The following PLCZ1 variants were observed in gnomAD, a reference collection of about 807,000 sequenced individuals.
The protein encoded by PLCZ1 is phospholipase C zeta 1, also known as 1-phosphatidylinositol 4,5-bisphosphate phosphodiesterase zeta-1.
PLCZ1 carries 64 observed loss-of-function variants against 76.8 expected under a neutral mutation model. The ratio of observed to expected loss-of-function variants is 0.83; its 90% CI spans 0.68 to 1.03. PLCZ1 has a LOEUF of 1.03. PLCZ1 is among the 50% of genes least tolerant of loss of function. The pLI is 0.00. For missense variants in PLCZ1, 751 were observed against 713.7 expected (o/e 1.05, Z -0.60); for synonymous variants, 248 against 230.8 (o/e 1.07, Z -0.68).
the PLCZ1 span, among the ~76,000 whole-genome samples, chr12:18,676,983 T>C: frequency 1.3e-5 from 2 of 152,144 alleles, no homozygotes; most frequent in African/African-American, 4.8e-5. Context: ...CAAACAACTT[T>C]GTTGCTTACT....
At chr12:18,721,329 T>C (rs1005569863) in intron 4 of PLCZ1, among the ~76,000 whole-genome samples, 2 of 152,116 alleles carry the variant, frequency 1.3e-5, no homozygotes, top group African/African-American at 4.8e-5. Flanking sequence ...CATTTGGAAC[T>C]ATAAGATCAT....
the PLCZ1 span, among the ~76,000 whole-genome samples, chr12:18,666,107 C>G: frequency 6.6e-6 from 1 of 151,270 alleles, no homozygotes; most frequent in Non-Finnish European, 1.5e-5. Flanking sequence ...AAAGTGTATA[C>G]TAAAACAAAT....
At chr12:18,690,614 A>G (rs73344980) in intron 12 of PLCZ1, among the ~76,000 whole-genome samples, 1 of 152,198 alleles carries the variant, frequency 6.6e-6, no homozygotes, top group Admixed American at 6.5e-5. Flanking sequence ...GATAAATGCC[A>G]TAATATATGC....
At chr12:18,719,881 T>C (rs1037170513) in intron 4 of PLCZ1, among the ~76,000 whole-genome samples, 1 of 152,012 alleles carries the variant, frequency 6.6e-6, no homozygotes, top group Admixed American at 6.6e-5. Flanking sequence ...GTTTTGAAAA[T>C]ACACACAAGA....
chr12:18,701,817 G>A (rs755895002), intron 7 of PLCZ1, 41 bp from the exon 8 acceptor site: 1 of 1,564,482 alleles, frequency 6.4e-7, no homozygotes, highest in Admixed American at 1.9e-5. Flanking sequence ...ACATTTACAA[G>A]TAAATTTGCA....
intron 7 of PLCZ1, among the ~76,000 whole-genome samples, chr12:18,704,569 C>T (rs571066856): frequency 2.4e-4 from 37 of 152,092 alleles, no homozygotes; most frequent in African/African-American, 8.2e-4. Context: ...TCAGGGGATC[C>T]GCCCTCCTCA....
the PLCZ1 span, among the ~76,000 whole-genome samples, chr12:18,660,465 A>C: frequency 6.6e-6 from 1 of 152,134 alleles, no homozygotes; most frequent in African/African-American, 2.4e-5. Flanking sequence ...CGGCACCTTT[A>C]GTTTTTCTCC....
chr12:18,722,722 C>A (rs1003141127), intron 4 of PLCZ1, among the ~76,000 whole-genome samples: 9 of 151,966 alleles, frequency 5.9e-5, no homozygotes, highest in Non-Finnish European at 1.3e-4. Context: ...TATGACAGAT[C>A]GTTAGCCTAA....
intron 6 of PLCZ1, among the ~76,000 whole-genome samples, chr12:18,705,830 C>T (rs1956532217): frequency 1.3e-5 from 2 of 152,038 alleles, no homozygotes; most frequent in Non-Finnish European, 2.9e-5. Flanking sequence ...TGCGCCATTG[C>T]ATTCCAGCCT....
chr12:18,720,777 C>T (rs1958393054), intron 4 of PLCZ1, among the ~76,000 whole-genome samples: 1 of 151,914 alleles, frequency 6.6e-6, no homozygotes, highest in Non-Finnish European at 1.5e-5. Flanking sequence ...AGAATGCTCA[C>T]ATTAGCATTA....
chr12:18,712,585 T>C (rs1220741204), intron 6 of PLCZ1, among the ~76,000 whole-genome samples: 1 of 152,156 alleles, frequency 6.6e-6, no homozygotes, highest in African/African-American at 2.4e-5. Flanking sequence ...AAATATATTT[T>C]ACCTTGTGAA....
In PLCZ1 at chr12:18,696,241, C is replaced by T; in HGVS notation, c.1200G>A (p.Arg400=). The T allele has an allele frequency of 6.3e-7, 1 of 1,588,128 alleles. No homozygotes were observed. The highest frequency in any genetic ancestry group is 8.6e-7 in the Non-Finnish European group (1 of 1,163,194). The change falls in exon 11 of 15, where the codon AGG becomes AGA. Residue 400 remains arginine, a synonymous_variant. Coordinates refer to ENST00000266505, the MANE Select transcript of PLCZ1 (RefSeq NM_033123.4). Reference sequence around the variant, plus strand: ...TGGGATATATTCTGGTAATGAACTTCCTGGTGTGAAAAATAAACTCATGGA... The same window carrying T: ...TGGGATATATTCTGGTAATGAACTTTCTGGTGTGAAAAATAAACTCATGGA... The part of the protein sequence containing the change: ...LRVHEFIFHT[R]KFITRIYPKA...
At chr12:18,701,606 A>ATCCTCCTCCTCCTCCTCC (rs11279217) in intron 8 of PLCZ1, 38 bp from the exon 9 acceptor site, 3 of 1,524,972 alleles carry the variant, frequency 2.0e-6, no homozygotes, top group Non-Finnish European at 2.7e-6. Context: ...CTTTGAATTT[A>ATCCTCCTCCTCCTCCTCC]TCCTCCTCCT....
the PLCZ1 span, among the ~76,000 whole-genome samples, chr12:18,675,832 G>C: frequency 6.7e-6 from 1 of 148,866 alleles, no homozygotes; most frequent in Non-Finnish European, 1.5e-5. Context: ...CAAATGAACA[G>C]ATAGGTAAAT....
chr12:18,709,714 C>A (rs1453717787), intron 6 of PLCZ1, among the ~76,000 whole-genome samples: 1 of 151,760 alleles, frequency 6.6e-6, no homozygotes, highest in Non-Finnish European at 1.5e-5. Flanking sequence ...ATACCACACC[C>A]CAAGGGAAAA....
In PLCZ1 at chr12:18,722,982, G is replaced by C. The variant is rs60444611; in HGVS notation, c.367+329C>G. Among the ~76,000 whole-genome samples the C allele has an allele frequency of 5.2e-3, 790 of 151,948 alleles. 4 individuals are homozygous for C. The highest frequency in any genetic ancestry group is 0.018 in the African/African-American group (735 of 41,496). ...GGTTTTATCTTATTCATGAGATCAAGATACTTTCTTCTAATAGGGTACATG... is the reference window on the plus strand; with the variant it reads ...GGTTTTATCTTATTCATGAGATCAACATACTTTCTTCTAATAGGGTACATG... On this transcript the variant is annotated intron_variant, in intron 4 of 14. Coordinates refer to ENST00000266505, the MANE Select transcript of PLCZ1 (RefSeq NM_033123.4).
At chr12:18,701,639 C>G (rs1218381013) in intron 8 of PLCZ1, 53 bp downstream of exon 8, 1 of 1,572,560 alleles carries the variant, frequency 6.4e-7, no homozygotes, top group Non-Finnish European at 8.6e-7. Flanking sequence ...CCTCCTCCTC[C>G]TCCTCCTCCT....
At chr12:18,649,725 T>C in the PLCZ1 span, among the ~76,000 whole-genome samples, 1 of 152,190 alleles carries the variant, frequency 6.6e-6, no homozygotes, top group African/African-American at 2.4e-5. Flanking sequence ...ATCCAAAGGT[T>C]ATTTTTCAGA....
At chr12:18,726,190 G>C (rs1426353754) in intron 3 of PLCZ1, among the ~76,000 whole-genome samples, 1 of 152,122 alleles carries the variant, frequency 6.6e-6, no homozygotes, top group African/African-American at 2.4e-5. Flanking sequence ...TAGGAAAAGA[G>C]ATTTAAAAAT....
Sources: allele counts gnomAD v4.1 joint callset (sites outside exome capture counted in the v4.1 genomes callset), GRCh38; gene constraint gnomAD v4.1.1; transcripts MANE v1.5; gene names NCBI Gene and HGNC (gene_info 2026-07-23, HGNC 2026-07-21).